ITGA4: variants seen among roughly 807,000 people sequenced by gnomAD.
ITGA4 encodes the protein integrin subunit alpha 4.
In ITGA4, 63 loss-of-function variants were observed where a neutral mutation model predicts 133.6. The ratio of observed to expected loss-of-function variants is 0.47; its 90% CI spans 0.38 to 0.58. The LOEUF is 0.58. Among genes scored for constraint, ITGA4 ranks in the 20% least tolerant of loss-of-function variants. The pLI is 0.00. For synonymous variants in ITGA4, 483 were observed against 438.0 expected (o/e 1.10, Z -1.28); for missense variants, 1,076 against 1,252.7 (o/e 0.86, Z 2.13).
chr2:181,536,411 A>C lies in ITGA4; in HGVS notation c.*884A>C, dbSNP rs1559061393. ...ACACGCTGATTTAGAAAATACAGAA[A>C]CCATACCTCACTAATAACTTTAAAA... On this transcript the variant is annotated 3_prime_UTR_variant, in exon 28 of 28. Coordinates refer to ENST00000397033, the MANE Select transcript of ITGA4 (RefSeq NM_000885.6). Among the ~76,000 whole-genome samples, 1 of 152,020 alleles carries C rather than the reference A, an allele frequency of 6.6e-6. No individual in the cohort carries two copies. Among genetic ancestry groups the C allele is most frequent in the African/African-American group, 2.4e-5 (1 of 41,424 alleles).
intron 2 of ITGA4, among the ~76,000 whole-genome samples, chr2:181,471,438 TATTCCTACAAGA>T (rs375050258): frequency 3.9e-5 from 6 of 152,308 alleles, no homozygotes; most frequent in African/African-American, 1.2e-4. Flanking sequence ...TGAAAATACT[TATTCCTACAAGA>T]TATTAATCAA....
rs1166564550 is a variant in ITGA4, at chr2:181,458,219, C to G, written c.221C>G (p.Ala74Gly). Reference sequence around the variant, plus strand: ...AGGCTCCTAGTGGGTGCGCCCACTGCCAACTGGCTCGCCAACGCTTCAGTG... The same window carrying G: ...AGGCTCCTAGTGGGTGCGCCCACTGGCAACTGGCTCGCCAACGCTTCAGTG... ...NRWLLVGAPT[A>G]NWLANASVIN... The change falls in exon 2 of 28, where the codon GCC becomes GGC. Residue 74 changes from alanine to glycine, a missense_variant. Around this residue, in one of 4 missense-constraint regions of ITGA4, gnomAD observed 436 missense variants for 590.7 expected, o/e 0.74. Coordinates refer to ENST00000397033, the MANE Select transcript of ITGA4 (RefSeq NM_000885.6). 6.2e-7 allele frequency: 1 copy of G among 1,613,938 alleles called. No individual in the cohort carries two copies. Among genetic ancestry groups the G allele is most frequent in the Admixed American group, 1.7e-5 (1 of 60,006 alleles).
At position 181,474,922 on chromosome 2, in the gene ITGA4, T is replaced by C. The variant is rs774145663; in HGVS notation, c.320-38T>C. On this transcript the variant is annotated intron_variant, in intron 2 of 27. Transcript: ENST00000397033. ...GTTTTCTCTTCTTTTGTAGAATGTT[T>C]TCAATACAACTGATAAAATTATTTT... is the stretch of plus-strand genomic sequence containing the variant. 4.6e-6 allele frequency: 7 copies of C among 1,511,246 alleles called. No homozygotes were observed. In the African/African-American group the frequency reaches 8.3e-5, roughly 18 times the overall value. 93.6% of individuals were successfully genotyped at this position (1,511,246 alleles called of 1,614,324 possible). A position where few individuals can be genotyped will look rare whatever the true frequency, so the allele number is the denominator to read the frequency against.
Position 181,493,341 on chromosome 2 carries a change from T to C in ITGA4, c.1170T>C (p.Ala390=). Residue 390 remains alanine, a synonymous_variant, in exon 11 of 28, where the codon GCT becomes GCC. Transcript: ENST00000397033. ...ATTGGATAGATGTTGCTATCGGAGC[T>C]CCACAAGAAGATGACTTGCAAGGTG... is the stretch of plus-strand genomic sequence containing the variant. The part of the protein sequence containing the change: ...NDGFEDVAIG[A]PQEDDLQGAI... 6.2e-7 allele frequency: 1 copy of C among 1,608,560 alleles called. No homozygotes were observed. Among genetic ancestry groups the C allele is most frequent in the South Asian group, 1.1e-5 (1 of 90,002 alleles).
chr2:181,511,712 G>A lies in ITGA4; in HGVS notation c.1859G>A (p.Arg620Lys). ...TTTTATTTCCAGATAAACTTTGCAA[G>A]GTTTTGTGCCCATGAAAATTGTTCT... ...DIMKKTINFA[R>K]FCAHENCSAD... The change falls in exon 17 of 28, where the codon AGG becomes AAG. Residue 620 changes from arginine (R) to lysine (K), a missense_variant. Arg to Lys is a conservative substitution (Grantham distance 26). Transcript: ENST00000397033. 1.3e-6 allele frequency: 2 copies of A among 1,588,306 alleles called. No individual in the cohort carries two copies. Among genetic ancestry groups the A allele is most frequent in the South Asian group, 1.1e-5 (1 of 89,154 alleles).
At chr2:181,482,493 A>T in intron 8 of ITGA4, 21 bp from the exon 9 acceptor site, 1 of 1,613,528 alleles carries the variant, frequency 6.2e-7, no homozygotes, top group Non-Finnish European at 8.5e-7. Flanking sequence ...CAATGAGTGG[A>T]TCTGGTTTGT....
rs774284692 is a variant in ITGA4 at position 181,537,420 on chromosome 2, AACTT to A, written c.*1898_*1901del. 1.1e-5 allele frequency: 5 copies of A among 453,862 alleles called. No homozygotes were observed. Among genetic ancestry groups the A allele is most frequent in the Non-Finnish European group, 2.2e-5 (5 of 226,746 alleles). 28.1% of individuals were successfully genotyped at this position (453,862 alleles called of 1,614,324 possible). A position where few individuals can be genotyped will look rare whatever the true frequency, so the allele number is the denominator to read the frequency against. ...CCAGTTCAAAATAGTATTTGTTATC[AACTT>A]ACTTTGTTACTTGTATCATGAATTT... On this transcript the variant is annotated 3_prime_UTR_variant, in exon 28 of 28. Coordinates refer to ENST00000397033, the MANE Select transcript of ITGA4 (RefSeq NM_000885.6).
chr2:181,505,334 C>T (rs183825083), intron 15 of ITGA4, among the ~76,000 whole-genome samples: 25 of 152,038 alleles, frequency 1.6e-4, no homozygotes, highest in African/African-American at 5.8e-4. Flanking sequence ...ACCAAGTTAA[C>T]AGGAGGACAT....
intron 10 of ITGA4, among the ~76,000 whole-genome samples, chr2:181,488,781 A>C (rs1283055027): frequency 6.6e-6 from 1 of 152,078 alleles, no homozygotes; most frequent in African/African-American, 2.4e-5. Flanking sequence ...GATGGTCTCT[A>C]TCTCCTGACC....
chr2:181,468,370 T>C (rs1685471164), intron 2 of ITGA4, among the ~76,000 whole-genome samples: 2 of 152,338 alleles, frequency 1.3e-5, no homozygotes, highest in African/African-American at 4.8e-5. Context: ...GTGATAATTA[T>C]GCAGTAGTAC....
rs115970495 is a variant in ITGA4 at position 181,501,922 on chromosome 2, A to G, written c.1695+3145A>G. Among the ~76,000 whole-genome samples the G allele has an allele frequency of 9.7e-3, 1,478 of 152,196 alleles. 22 individuals carry two copies. Among genetic ancestry groups the G allele is most frequent in the African/African-American group, 0.032 (1,330 of 41,534 alleles). On this transcript the variant is annotated intron_variant, in intron 15 of 27. Coordinates refer to ENST00000397033, the MANE Select transcript of ITGA4 (RefSeq NM_000885.6). Reference sequence around the variant, plus strand: ...AGGTAACTTAATATATCTTTGGCATATGGATGGTATTTAAAGCCGTATTAA... The same window carrying G: ...AGGTAACTTAATATATCTTTGGCATGTGGATGGTATTTAAAGCCGTATTAA...
Position 181,531,758 on chromosome 2 carries a change from G to T in ITGA4, c.2766G>T (p.Arg922=). The T allele has an allele frequency of 6.3e-7, 1 of 1,596,856 alleles. No homozygotes were observed. Residue 922 remains arginine (R), a synonymous_variant, in exon 25 of 28, where the codon CGG becomes CGT. Transcript: ENST00000397033. ...EASVHIQLEG[R]PSILEMDETS... is the part of the protein sequence containing the mutation. ...GTGTTCATATCCAACTGGAAGGCCG[G>T]CCATCCATTTTAGAAATGGTAAGTA...
intron 2 of ITGA4, among the ~76,000 whole-genome samples, chr2:181,469,350 C>T (rs1029554447): frequency 6.6e-6 from 1 of 152,100 alleles, no homozygotes; most frequent in Non-Finnish European, 1.5e-5. Context: ...TCCAGGATGG[C>T]TTTGAATGCT....
In ITGA4 at chr2:181,495,019, G is replaced by A. The variant is rs1289416164; in HGVS notation, c.1339+207G>A. 2.0e-5 allele frequency among the ~76,000 whole-genome samples: 3 copies of A among 152,128 alleles called. No homozygotes were observed. Among genetic ancestry groups the A allele is most frequent in the Non-Finnish European group, 4.4e-5 (3 of 68,016 alleles). On this transcript the variant is annotated intron_variant, in intron 12 of 27. Coordinates refer to ENST00000397033, the MANE Select transcript of ITGA4 (RefSeq NM_000885.6). The surrounding 1 kb of genome is among the most constrained non-coding windows in gnomAD (Gnocchi z 4.3). ...TGCTAGTTACACAATGTTATAGTCTGTGTTTTTGAAAACATGAAAGCACTC... is the reference window on the plus strand; with the variant it reads ...TGCTAGTTACACAATGTTATAGTCTATGTTTTTGAAAACATGAAAGCACTC...
intron 6 of ITGA4, among the ~76,000 whole-genome samples, chr2:181,480,987 T>C (rs997022337): frequency 1.3e-5 from 2 of 152,194 alleles, no homozygotes; most frequent in African/African-American, 2.4e-5. Flanking sequence ...ACTGTATGTG[T>C]GTCAAATGTG....
chr2:181,527,426 A>C, intron 22 of ITGA4, 39 bp downstream of exon 22: 1 of 1,345,010 alleles, frequency 7.4e-7, no homozygotes, highest in Non-Finnish European at 1.1e-6. Flanking sequence ...GTAACAACCT[A>C]AAAGGATGTC....
At chr2:181,525,322 T>A (rs764121643) in intron 21 of ITGA4, 31 bp downstream of exon 21, 12 of 1,150,284 alleles carry the variant, frequency 1.0e-5, no homozygotes, top group Non-Finnish European at 1.6e-5. Context: ...CCTTTCAAAT[T>A]TAGAGCTGAT....
At chr2:181,534,446 C>A in intron 26 of ITGA4, 76 bp downstream of exon 26, 2 of 869,946 alleles carry the variant, frequency 2.3e-6, no homozygotes, top group South Asian at 1.5e-5. Flanking sequence ...TTACTTCCTT[C>A]TGAGTAACTG....
rs1559065823 is a variant in ITGA4 at position 181,538,190 on chromosome 2, T to C, written c.*2663T>C. 7.6e-6 allele frequency: 12 copies of C among 1,569,288 alleles called. No homozygotes were observed. The highest frequency in any genetic ancestry group is 1.1e-5 in the Non-Finnish European group (12 of 1,140,698). On this transcript the variant is annotated 3_prime_UTR_variant, in exon 28 of 28. Transcript: ENST00000397033. ...TTTTAGAAACAATTACATGTTACTT[T>C]GGAATCATTTCTTCCATGCTTCCTC... is the stretch of plus-strand genomic sequence containing the variant.
Sources: allele counts gnomAD v4.1 joint callset (sites outside exome capture counted in the v4.1 genomes callset), GRCh38; gene constraint gnomAD v4.1.1; regional missense constraint gnomAD v4.1.1; non-coding constraint Gnocchi (gnomAD v3.1); transcripts MANE v1.5; gene names NCBI Gene and HGNC (gene_info 2026-07-23, HGNC 2026-07-21).